EBF3: variants seen among roughly 807,000 people sequenced by gnomAD.
The protein encoded by EBF3 is transcription factor COE3.
Under a neutral mutation model 77.1 loss-of-function variants are expected in EBF3, and 18 were observed. The observed-to-expected ratio is 0.23, with a 90% confidence interval of 0.16 to 0.35. The LOEUF is 0.35. EBF3 is among the 10% of genes least tolerant of loss of function. The probability of loss-of-function intolerance (pLI) is 1.00; values close to 1 mark genes in which losing one functional copy is unlikely to be tolerated. For synonymous variants in EBF3, 350 were observed against 343.5 expected, an observed-to-expected ratio of 1.02 and a Z score of -0.21; for missense variants, 558 against 860.0, an observed-to-expected ratio of 0.65 and a Z score of 4.39.
intron 16 of EBF3, among the ~76,000 whole-genome samples, chr10:129,838,334 G>A (rs1330235806): frequency 1.3e-5 from 2 of 152,258 alleles, no homozygotes; most frequent in East Asian, 3.9e-4. Flanking sequence ...TCTGTCGAGA[G>A]AGGTGACCCA....
At chr10:129,898,674 T>A (rs1461385224) in intron 6 of EBF3, among the ~76,000 whole-genome samples, 1 of 152,252 alleles carries the variant, frequency 6.6e-6, no homozygotes, top group East Asian at 1.9e-4. Context: ...TGCAGTTTGA[T>A]GTTTCTGTCA....
intron 6 of EBF3, among the ~76,000 whole-genome samples, chr10:129,881,021 C>A (rs1478761809): frequency 6.6e-6 from 1 of 152,192 alleles, no homozygotes; most frequent in Non-Finnish European, 1.5e-5. Flanking sequence ...AATTCTCATC[C>A]TTTACTCAAT....
intron 6 of EBF3, among the ~76,000 whole-genome samples, chr10:129,928,860 C>T (rs565146040): frequency 6.2e-4 from 94 of 152,348 alleles, no homozygotes; most frequent in Admixed American, 1.2e-3. Context: ...ATCAGGAGAA[C>T]GCTGCTGACA....
rs969761053 is a variant in EBF3 at position 129,947,128 on chromosome 10, G to A, written c.554+10130C>T. On this transcript the variant is annotated intron_variant, in intron 6 of 16. Coordinates refer to ENST00000440978, the MANE Select transcript of EBF3 (RefSeq NM_001375380.1). The surrounding 1 kb of genome is among the most constrained non-coding windows in gnomAD (Gnocchi z 4.5). The stretch of plus-strand genomic sequence containing the variant: ...GTCAGGGGACGAGCCGCTTCATTGA[G>A]AAAATGGAAATGGACAGGGAGCTCC... 6.6e-6 allele frequency among the ~76,000 whole-genome samples: 1 copy of A among 152,232 alleles called. No individual in the cohort carries two copies. Among genetic ancestry groups the A allele is most frequent in the Non-Finnish European group, 1.5e-5 (1 of 68,040 alleles).
At chr10:129,923,805 A>G (rs1856467417) in intron 6 of EBF3, among the ~76,000 whole-genome samples, 1 of 152,240 alleles carries the variant, frequency 6.6e-6, no homozygotes, top group South Asian at 2.1e-4. Context: ...CTTCATGAAA[A>G]TTCAAAAGTT....
intron 6 of EBF3, among the ~76,000 whole-genome samples, chr10:129,902,866 A>G (rs1854886887): frequency 6.6e-6 from 1 of 152,216 alleles, no homozygotes; most frequent in Admixed American, 6.5e-5. Context: ...AGGTGCTCTG[A>G]GCCAGCTTCC....
chr10:129,912,839 C>T (rs1257419074), intron 6 of EBF3, among the ~76,000 whole-genome samples: 3 of 152,244 alleles, frequency 2.0e-5, no homozygotes, highest in Non-Finnish European at 4.4e-5. Flanking sequence ...TCTTCTTTTA[C>T]TGGGTCTAAT....
At chr10:129,901,347 T>C (rs12771404) in intron 6 of EBF3, among the ~76,000 whole-genome samples, 21,241 of 152,278 alleles carry the variant, frequency 0.14, 1,945 homozygotes, top group Admixed American at 0.21. Flanking sequence ...CACAGGCACT[T>C]ACTTCATTGC....
chr10:129,893,382 G>A (rs1042380050), intron 6 of EBF3, among the ~76,000 whole-genome samples: 5 of 152,052 alleles, frequency 3.3e-5, no homozygotes, highest in Non-Finnish European at 7.4e-5. Flanking sequence ...CATACATAAT[G>A]TACAACTCCC....
At chr10:129,924,827 T>C (rs1465080466) in intron 6 of EBF3, among the ~76,000 whole-genome samples, 2 of 152,082 alleles carry the variant, frequency 1.3e-5, no homozygotes, top group African/African-American at 2.4e-5. Flanking sequence ...CCACCACGCC[T>C]GGCTAATTTA....
At chr10:129,850,826 C>A (rs1051124288) in intron 10 of EBF3, among the ~76,000 whole-genome samples, 2 of 152,214 alleles carry the variant, frequency 1.3e-5, no homozygotes, top group African/African-American at 4.8e-5. Context: ...AACTGGTGGC[C>A]CCTCTGGCCC....
At chr10:129,910,131 C>T (rs939343830) in intron 6 of EBF3, among the ~76,000 whole-genome samples, 6 of 152,328 alleles carry the variant, frequency 3.9e-5, no homozygotes, top group African/African-American at 1.4e-4. Context: ...CCCACTCGGA[C>T]CGCCGGGCCA....
chr10:129,893,764 C>T lies in EBF3; in HGVS notation c.555-15915G>A, dbSNP rs1854179516. On this transcript the variant is annotated intron_variant, in intron 6 of 16. Coordinates refer to ENST00000440978, the MANE Select transcript of EBF3 (RefSeq NM_001375380.1). ...TGCGCTCCCCTCCTCTCCAGCTAAGCCAGAGTTTAAAGCTACAGTTAATTT... is the reference window on the plus strand; with the variant it reads ...TGCGCTCCCCTCCTCTCCAGCTAAGTCAGAGTTTAAAGCTACAGTTAATTT... Among the ~76,000 whole-genome samples, 3 of 152,320 alleles carry T rather than the reference C, an allele frequency of 2.0e-5. No individual in the cohort carries two copies. In the South Asian group the frequency reaches 6.2e-4, roughly 32 times the overall value.
At chr10:129,847,802 G>A (rs1850580721) in intron 11 of EBF3, among the ~76,000 whole-genome samples, 5 of 152,358 alleles carry the variant, frequency 3.3e-5, no homozygotes, top group African/African-American at 1.2e-4. Context: ...TCTGTGATAT[G>A]TGGCGTGTGC....
intron 6 of EBF3, among the ~76,000 whole-genome samples, chr10:129,946,014 CAA>C (rs551660356): frequency 2.9e-5 from 3 of 104,978 alleles, no homozygotes; most frequent in African/African-American, 1.1e-4. Flanking sequence ...TATTTCCTTC[CAA>C]AAAAAAAAAA....
intron 11 of EBF3, among the ~76,000 whole-genome samples, chr10:129,845,143 G>A (rs1850362612): frequency 1.3e-5 from 2 of 152,214 alleles, no homozygotes; most frequent in South Asian, 4.1e-4. Context: ...TTTCTGAGCT[G>A]CTCTTAAGTG....
chr10:129,913,984 T>C (rs374841381), intron 6 of EBF3, among the ~76,000 whole-genome samples: 2 of 152,250 alleles, frequency 1.3e-5, no homozygotes, highest in African/African-American at 4.8e-5. Flanking sequence ...TCTCTCGTCC[T>C]ACCTGTGGAT....
intron 8 of EBF3, 92 bp from the exon 9 acceptor site, chr10:129,868,004 GGGA>G (rs1852149959): frequency 6.5e-7 from 1 of 1,538,722 alleles, no homozygotes; most frequent in African/African-American, 1.4e-5. Context: ...CGGCCACCGC[GGGA>G]GGAGAGGCGC....
At chr10:129,891,574 C>A (rs542507459) in intron 6 of EBF3, among the ~76,000 whole-genome samples, 1 of 152,198 alleles carries the variant, frequency 6.6e-6, no homozygotes, top group African/African-American at 2.4e-5. Flanking sequence ...TATTTACATC[C>A]ATTTTTGCAG....
Sources: allele counts gnomAD v4.1 joint callset (sites outside exome capture counted in the v4.1 genomes callset), GRCh38; gene constraint gnomAD v4.1.1; non-coding constraint Gnocchi (gnomAD v3.1); transcripts MANE v1.5; gene names NCBI Gene and HGNC (gene_info 2026-07-23, HGNC 2026-07-21).